Variants in NCAM1 observed in about 807,000 individuals in gnomAD.
NCAM1 encodes antigen recognized by monoclonal antibody 5.1H11.
A neutral mutation model predicts 109.8 loss-of-function variants in NCAM1; 14 were observed. The ratio of observed to expected loss-of-function variants is 0.13; its 90% confidence interval spans 0.08 to 0.20. The LOEUF is 0.20. Among genes scored for constraint, NCAM1 ranks in the 10% least tolerant of loss-of-function variants. The pLI, the probability that NCAM1 is intolerant of heterozygous loss-of-function variation, is 1.00. For synonymous variants in NCAM1, 418 were observed against 442.9 expected (o/e 0.94, Z 0.70); for missense variants, 774 against 1,109.9 (o/e 0.70, Z 4.30).
At chr11:113,026,534 T>C (rs782753047) in intron 1 of NCAM1, among the ~76,000 whole-genome samples, 1 of 152,146 alleles carries the variant, frequency 6.6e-6, no homozygotes, top group African/African-American at 2.4e-5. Context: ...GCGGGGAATA[T>C]CAATATATTA....
At chr11:112,965,893 G>C (rs1420840061) in intron 1 of NCAM1, among the ~76,000 whole-genome samples, 3 of 152,132 alleles carry the variant, frequency 2.0e-5, no homozygotes, top group Non-Finnish European at 4.4e-5. Context: ...GTGATGGAGA[G>C]CAGAACCAAT....
At chr11:113,056,783 A>C (rs1319406394) in intron 1 of NCAM1, among the ~76,000 whole-genome samples, 2 of 152,170 alleles carry the variant, frequency 1.3e-5, no homozygotes, top group Non-Finnish European at 2.9e-5. Context: ...GACCCAGCTA[A>C]GCTGTGTTTG....
intron 17 of NCAM1, chr11:113,263,146 TA>T: frequency 8.3e-7 from 1 of 1,210,044 alleles, no homozygotes; most frequent in Non-Finnish European, 1.0e-6. Context: ...GCCCCCTTTT[TA>T]ATGGCAGTAA....
intron 1 of NCAM1, among the ~76,000 whole-genome samples, chr11:113,129,428 T>C (rs1438465680): frequency 6.6e-6 from 1 of 152,156 alleles, no homozygotes; most frequent in Non-Finnish European, 1.5e-5. Flanking sequence ...TTGGGTGTGT[T>C]TCCTAGGGAC....
intron 17 of NCAM1, chr11:113,262,775 A>C (rs1946045240): frequency 6.5e-7 from 1 of 1,535,230 alleles, no homozygotes; most frequent in Admixed American, 1.8e-5. Context: ...CGTCACTGGG[A>C]CATCCCCACT....
chr11:112,992,208 C>T (rs1591222975), intron 1 of NCAM1, among the ~76,000 whole-genome samples: 1 of 151,902 alleles, frequency 6.6e-6, no homozygotes, highest in African/African-American at 2.4e-5. Context: ...GCATTTTTTT[C>T]AATGAAAATT....
chr11:113,142,932 A>G (rs1941883118), intron 1 of NCAM1, among the ~76,000 whole-genome samples: 1 of 152,228 alleles, frequency 6.6e-6, no homozygotes, highest in South Asian at 2.1e-4. Flanking sequence ...ATTCAAATTA[A>G]TGTTTTCCAT....
In NCAM1 at chr11:113,112,237, T is replaced by A. The variant is rs536876929; in HGVS notation, c.53-90142T>A. Among the ~76,000 whole-genome samples the A allele has an allele frequency of 3.3e-5, 5 of 152,344 alleles. No individual in the cohort carries two copies. The South Asian group carries it at 1.0e-3, about 32-fold the overall frequency. ...TGTTAGTCTTTTGTAATCTCACTTT[T>A]AAAAACAAACTTCTCTTTCTTATGT... On this transcript the variant is annotated intron_variant, in intron 1 of 19. Transcript: ENST00000316851.
Position 112,987,343 on chromosome 11 carries a change from G to C in NCAM1, c.52+25679G>C, listed in dbSNP as rs140750362. On this transcript the variant is annotated intron_variant, in intron 1 of 19. Coordinates refer to ENST00000316851, the MANE Select transcript of NCAM1 (RefSeq NM_181351.5). ...GTCTGTCCTGGAGATTGTTCCATGT[G>C]TGCTCGAGAAGATTGTGTATTCTGC... 1.6e-4 allele frequency among the ~76,000 whole-genome samples: 25 copies of C among 152,174 alleles called. No individual in the cohort carries two copies. The East Asian group carries it at 4.8e-3, about 29-fold the overall frequency.
intron 15 of NCAM1, among the ~76,000 whole-genome samples, chr11:113,249,199 G>A (rs1555120787): frequency 2.0e-5 from 3 of 152,156 alleles, no homozygotes; most frequent in African/African-American, 7.2e-5. Context: ...TTCCTTCTTA[G>A]ATTGAAAACA....
intron 7 of NCAM1, among the ~76,000 whole-genome samples, chr11:113,210,754 C>T (rs1231239261): frequency 6.7e-6 from 1 of 149,376 alleles, no homozygotes; most frequent in Admixed American, 6.8e-5. Flanking sequence ...ACCTTGGACA[C>T]ATACACCCCT....
intron 1 of NCAM1, among the ~76,000 whole-genome samples, chr11:113,036,262 G>A (rs1224987793): frequency 6.6e-6 from 1 of 151,992 alleles, no homozygotes; most frequent in East Asian, 1.9e-4. Context: ...CCAAATTTCT[G>A]GAGTCCTTAT....
chr11:113,261,238 C>T (rs1555123298), intron 17 of NCAM1, among the ~76,000 whole-genome samples: 4 of 151,920 alleles, frequency 2.6e-5, no homozygotes, highest in African/African-American at 7.3e-5. Context: ...GCTCTTGGCT[C>T]GGTGGTCATG....
intron 14 of NCAM1, among the ~76,000 whole-genome samples, chr11:113,235,488 G>C (rs781834538): frequency 2.0e-5 from 3 of 152,208 alleles, no homozygotes; most frequent in Non-Finnish European, 4.4e-5. Context: ...CAAAGGATCT[G>C]GGAAAGTTGC....
intron 1 of NCAM1, among the ~76,000 whole-genome samples, chr11:113,071,136 G>T (rs1938242455): frequency 6.6e-6 from 1 of 152,108 alleles, no homozygotes. Flanking sequence ...AAAAGGACAG[G>T]AAGAGGAATC....
chr11:113,088,093 A>G (rs1156399391), intron 1 of NCAM1, among the ~76,000 whole-genome samples: 2 of 152,216 alleles, frequency 1.3e-5, no homozygotes, highest in African/African-American at 4.8e-5. Flanking sequence ...GAGTGATACT[A>G]TATGCTGAAG....
Position 112,961,518 on chromosome 11 carries a change from T to G in NCAM1, c.-95T>G, listed in dbSNP as rs897562497. ...ACTCAGCCTGGCAATTGTCTGCCCC[T>G]AGGTCTGTCGCTCAGCCGCCGTCCA... On this transcript the variant is annotated 5_prime_UTR_variant, in exon 1 of 20. Transcript: ENST00000316851. The G allele has an allele frequency of 2.4e-6, 2 of 838,572 alleles. No homozygotes were observed. The highest frequency in any genetic ancestry group is 3.3e-5 in the African/African-American group (2 of 59,924). The allele number at this position is 838,572 out of a possible 1,614,324, so 51.9% of individuals were successfully genotyped here. A position where few individuals can be genotyped will look rare whatever the true frequency, so the allele number is the denominator to read the frequency against.
intron 3 of NCAM1, 66 bp downstream of exon 3, chr11:113,204,570 G>A: frequency 6.8e-7 from 1 of 1,477,928 alleles, no homozygotes; most frequent in Non-Finnish European, 9.3e-7. Context: ...GTGGGTAGTG[G>A]AAAGGTGGAA....
chr11:113,216,175 G>A (rs1276931245), intron 8 of NCAM1, among the ~76,000 whole-genome samples: 2 of 140,914 alleles, frequency 1.4e-5, no homozygotes, highest in Admixed American at 7.3e-5. Context: ...TTTTGAGACG[G>A]AGTCTCGCTG....
Sources: gnomAD v4.1 joint callset for allele counts (sites outside exome capture counted in the v4.1 genomes callset) on GRCh38, gnomAD v4.1.1 for gene constraint, MANE v1.5 for transcripts, NCBI Gene and HGNC (gene_info 2026-07-23, HGNC 2026-07-21) for gene names.